The following CACNA1E variants were observed in gnomAD, a reference collection of about 807,000 sequenced individuals.
CACNA1E encodes the protein calcium voltage-gated channel subunit alpha1 E, also known as voltage-dependent R-type calcium channel subunit alpha-1E.
In CACNA1E, 40 loss-of-function variants were observed where a neutral mutation model predicts 259.2. The ratio of observed to expected loss-of-function variants is 0.15; its 90% confidence interval spans 0.12 to 0.20. The LOEUF (loss-of-function observed/expected upper bound fraction) is 0.20. CACNA1E is among the 10% of genes least tolerant of loss of function. The pLI is 1.00. For synonymous variants in CACNA1E, 1,104 were observed against 1,138.5 expected, an observed-to-expected ratio of 0.97 and a Z score of 0.61; for missense variants, 1,874 against 3,040.1, an observed-to-expected ratio of 0.62 and a Z score of 9.02.
intron 6 of CACNA1E, among the ~76,000 whole-genome samples, chr1:181,637,871 A>G (rs561548744): frequency 2.8e-4 from 43 of 152,318 alleles, no homozygotes; most frequent in Non-Finnish European, 5.0e-4. Context: ...CATTATAGGC[A>G]GTGGGGACAA....
chr1:181,436,696 G>T (rs1660108325), intron 2 of CACNA1E, among the ~76,000 whole-genome samples: 1 of 152,200 alleles, frequency 6.6e-6, no homozygotes, highest in Non-Finnish European at 1.5e-5. Flanking sequence ...GGTTACAGAG[G>T]CTGGGGACGA....
In CACNA1E at chr1:181,496,890, T is replaced by G. The variant is rs1013956484; in HGVS notation, c.266+12880T>G. 3.6e-4 allele frequency among the ~76,000 whole-genome samples: 55 copies of G among 152,330 alleles called. 1 individual carries two copies. The highest frequency in any genetic ancestry group is 1.3e-3 in the African/African-American group (54 of 41,572). On this transcript the variant is annotated intron_variant, in intron 1 of 47. Transcript: ENST00000367573. ...TTGTGAAATAACTGAGCCATATGGATGCACAAGGATGCATGTGTTCTTCTA... is the reference window on the plus strand; with the variant it reads ...TTGTGAAATAACTGAGCCATATGGAGGCACAAGGATGCATGTGTTCTTCTA...
intron 1 of CACNA1E, among the ~76,000 whole-genome samples, chr1:181,329,171 G>C (rs935537193): frequency 1.3e-5 from 2 of 152,126 alleles, no homozygotes; most frequent in African/African-American, 4.8e-5. Context: ...GATCCATTAT[G>C]AAAGCCTGTC....
At chr1:181,419,545 A>G (rs542267959) in intron 2 of CACNA1E, among the ~76,000 whole-genome samples, 1 of 152,222 alleles carries the variant, frequency 6.6e-6, no homozygotes, top group Admixed American at 6.5e-5. Flanking sequence ...TGTTTCCCCA[A>G]CGGACACACA....
rs1661270015 is a variant in CACNA1E at position 181,791,188 on chromosome 1, C to T, written c.5898+632C>T. Among the ~76,000 whole-genome samples, 3 of 152,212 alleles carry T rather than the reference C, an allele frequency of 2.0e-5. No homozygotes were observed. In the South Asian group the frequency reaches 6.2e-4, roughly 32 times the overall value. The stretch of plus-strand genomic sequence containing the variant: ...TTTATTAGCATAAATGGTGAAATTC[C>T]TGGCTGGGTGCGGTGGCTCACGCCT... On this transcript the variant is annotated intron_variant, in intron 44 of 47. Coordinates refer to ENST00000367573, the MANE Select transcript of CACNA1E (RefSeq NM_001205293.3).
At chr1:181,718,775 A>C (rs1401151622) in intron 12 of CACNA1E, among the ~76,000 whole-genome samples, 2 of 152,092 alleles carry the variant, frequency 1.3e-5, no homozygotes, top group Admixed American at 6.5e-5. Flanking sequence ...AGGTGCTTTC[A>C]CGTATCTTTT....
In CACNA1E at chr1:181,758,488, A is replaced by C. The variant is rs1467043858; in HGVS notation, c.4495-270A>C. ...GACTAACTCCAGTAACTAACTCTAG[A>C]AAATGTTTCTTCCCTGCCCACCCTC... On this transcript the variant is annotated intron_variant, in intron 31 of 47. Coordinates refer to ENST00000367573, the MANE Select transcript of CACNA1E (RefSeq NM_001205293.3). This position sits in a 1 kb window ranked among gnomAD's most constrained non-coding sequence, Gnocchi z 4.2. Among the ~76,000 whole-genome samples the C allele has an allele frequency of 6.6e-6, 1 of 152,168 alleles. No homozygotes were observed. The highest frequency in any genetic ancestry group is 1.5e-5 in the Non-Finnish European group (1 of 68,026).
chr1:181,339,573 T>C (rs894673463), intron 1 of CACNA1E, among the ~76,000 whole-genome samples: 1 of 152,106 alleles, frequency 6.6e-6, no homozygotes, highest in African/African-American at 2.4e-5. Flanking sequence ...TAGTCCCAAA[T>C]AACCTTCCAA....
At chr1:181,739,678 G>A (rs1056459747) in intron 25 of CACNA1E, among the ~76,000 whole-genome samples, 3 of 152,166 alleles carry the variant, frequency 2.0e-5, no homozygotes, top group East Asian at 1.9e-4. Flanking sequence ...TGAGGATCAC[G>A]GAATCCTAGG....
intron 1 of CACNA1E, among the ~76,000 whole-genome samples, chr1:181,499,256 C>T (rs996238254): frequency 6.6e-6 from 1 of 152,188 alleles, no homozygotes; most frequent in African/African-American, 2.4e-5. Context: ...CCAGACTCTG[C>T]CCTGAGAGGT....
At chr1:181,404,255 T>A (rs540686998) in intron 1 of CACNA1E, among the ~76,000 whole-genome samples, 53 of 152,292 alleles carry the variant, frequency 3.5e-4, no homozygotes, top group African/African-American at 1.2e-3. Flanking sequence ...CCTTTTTAGA[T>A]CATTGGAGAG....
At chr1:181,679,627 A>G in intron 7 of CACNA1E, among the ~76,000 whole-genome samples, 1 of 152,120 alleles carries the variant, frequency 6.6e-6, no homozygotes, top group East Asian at 1.9e-4. Flanking sequence ...GAGAGGCCAC[A>G]CTCACAAGGC....
chr1:181,347,027 G>T (rs1044402288), intron 1 of CACNA1E, among the ~76,000 whole-genome samples: 1 of 152,134 alleles, frequency 6.6e-6, no homozygotes, highest in Non-Finnish European at 1.5e-5. Context: ...GGCTAATCAC[G>T]GAGGACCATG....
chr1:181,411,603 G>A (rs1657845593), intron 1 of CACNA1E, among the ~76,000 whole-genome samples: 2 of 152,020 alleles, frequency 1.3e-5, no homozygotes, highest in Non-Finnish European at 2.9e-5. Flanking sequence ...GCTGGGCTAG[G>A]TGCCCCTCTT....
chr1:181,389,964 G>GCAGCCACGTCA (rs1472601677), intron 1 of CACNA1E, among the ~76,000 whole-genome samples: 2 of 152,374 alleles, frequency 1.3e-5, no homozygotes, highest in East Asian at 3.9e-4. Context: ...TGACGTGGCT[G>GCAGCCACGTCA]CAGCCACAAT....
intron 3 of CACNA1E, among the ~76,000 whole-genome samples, chr1:181,525,486 A>G (rs1667286546): frequency 6.6e-6 from 1 of 152,216 alleles, no homozygotes; most frequent in Admixed American, 6.5e-5. Context: ...GTCCTCTTCA[A>G]GATAGCAAAG....
chr1:181,565,240 TGGACTA>T (rs1649701525), intron 3 of CACNA1E, among the ~76,000 whole-genome samples: 2 of 152,198 alleles, frequency 1.3e-5, no homozygotes, highest in Admixed American at 1.3e-4. Flanking sequence ...AAACCTAACT[TGGACTA>T]GTTTGAGCAA....
chr1:181,532,208 TGA>T (rs1372202255), intron 3 of CACNA1E, among the ~76,000 whole-genome samples: 2 of 152,218 alleles, frequency 1.3e-5, no homozygotes, highest in African/African-American at 4.8e-5. Flanking sequence ...ATTTTCTGTT[TGA>T]GTGTTTGTTG....
intron 1 of CACNA1E, among the ~76,000 whole-genome samples, chr1:181,377,192 T>C (rs1571708200): frequency 6.6e-6 from 1 of 152,206 alleles, no homozygotes; most frequent in African/African-American, 2.4e-5. Flanking sequence ...AGAGATTAAA[T>C]ATTTTTTGAG....
Sources: allele counts gnomAD v4.1 joint callset (sites outside exome capture counted in the v4.1 genomes callset), GRCh38; gene constraint gnomAD v4.1.1; non-coding constraint Gnocchi (gnomAD v3.1); transcripts MANE v1.5; gene names NCBI Gene and HGNC (gene_info 2026-07-23, HGNC 2026-07-21).